GPR39: variants seen among roughly 807,000 people sequenced by gnomAD.
The protein encoded by GPR39 is zinc sensing receptor.
GPR39 carries 23 observed loss-of-function variants against 18.4 expected under a neutral mutation model. The observed-to-expected ratio is 1.25, with a 90% CI of 0.90 to 1.77. The LOEUF is 1.77. Among genes scored for constraint, GPR39 ranks in the 40% most tolerant of loss-of-function variants. The pLI is 0.00. For missense variants in GPR39, 647 were observed against 602.4 expected, an observed-to-expected ratio of 1.07 and a Z score of -0.78; for synonymous variants, 280 against 257.9, an observed-to-expected ratio of 1.09 and a Z score of -0.82.
intron 1 of GPR39, among the ~76,000 whole-genome samples, chr2:132,602,681 A>G (rs1033436674): frequency 6.6e-6 from 1 of 152,032 alleles, no homozygotes; most frequent in Non-Finnish European, 1.5e-5. Context: ...AATTCAAATA[A>G]CTCAAAAGCA....
chr2:132,640,395 G>C (rs1479197895), intron 1 of GPR39, among the ~76,000 whole-genome samples: 1 of 152,188 alleles, frequency 6.6e-6, no homozygotes, highest in Non-Finnish European at 1.5e-5. Context: ...TCATTTTAGT[G>C]TAGTGATCAA....
At chr2:132,526,302 AT>A (rs1679507520) in intron 1 of GPR39, among the ~76,000 whole-genome samples, 1 of 152,184 alleles carries the variant, frequency 6.6e-6, no homozygotes, top group Non-Finnish European at 1.5e-5. Flanking sequence ...AGTTTTAGCC[AT>A]AAGGATTGCA....
At chr2:132,643,075 C>T (rs546546048) in intron 1 of GPR39, among the ~76,000 whole-genome samples, 158 of 152,158 alleles carry the variant, frequency 1.0e-3, no homozygotes, top group African/African-American at 3.2e-3. Context: ...AGAAAAGTCC[C>T]GGATTTCTTA....
At chr2:132,517,385 ACT>A (rs1391911356) in intron 1 of GPR39, among the ~76,000 whole-genome samples, 5 of 151,880 alleles carry the variant, frequency 3.3e-5, no homozygotes, top group Non-Finnish European at 7.4e-5. Flanking sequence ...GAAATATATT[ACT>A]CTTGCCAAGG....
At chr2:132,637,385 CG>C (rs1302836512) in intron 1 of GPR39, among the ~76,000 whole-genome samples, 1 of 152,222 alleles carries the variant, frequency 6.6e-6, no homozygotes, top group Non-Finnish European at 1.5e-5. Flanking sequence ...CTGGCCTCAA[CG>C]TGGTGGATGG....
At chr2:132,585,242 C>T (rs1399935826) in intron 1 of GPR39, among the ~76,000 whole-genome samples, 1 of 152,034 alleles carries the variant, frequency 6.6e-6, no homozygotes, top group Non-Finnish European at 1.5e-5. Context: ...CTCTGTGGGC[C>T]CTTGAAGCAG....
intron 1 of GPR39, among the ~76,000 whole-genome samples, chr2:132,598,739 A>G (rs1326945253): frequency 6.6e-6 from 1 of 152,118 alleles, no homozygotes; most frequent in African/African-American, 2.4e-5. Context: ...TAGGCAGACT[A>G]AAATCCACAC....
intron 1 of GPR39, among the ~76,000 whole-genome samples, chr2:132,492,898 CATAT>C (rs1278416865): frequency 1.5e-5 from 2 of 133,664 alleles, no homozygotes; most frequent in African/African-American, 5.7e-5. Flanking sequence ...ATATATATAC[CATAT>C]ATATACACCA....
chr2:132,562,449 G>A (rs578135753), intron 1 of GPR39, among the ~76,000 whole-genome samples: 1 of 152,222 alleles, frequency 6.6e-6, no homozygotes, highest in East Asian at 1.9e-4. Flanking sequence ...TCAGGACATC[G>A]TACTCAGGCT....
At chr2:132,633,923 TAGC>T (rs1681698494) in intron 1 of GPR39, among the ~76,000 whole-genome samples, 1 of 151,402 alleles carries the variant, frequency 6.6e-6, no homozygotes, top group African/African-American at 2.4e-5. Context: ...GGTGGTGTGG[TAGC>T]AGTGTTATTA....
chr2:132,421,729 G>A (rs1326391873), intron 1 of GPR39, among the ~76,000 whole-genome samples: 1 of 152,268 alleles, frequency 6.6e-6, no homozygotes, highest in East Asian at 1.9e-4. Flanking sequence ...TTTGTGGCAT[G>A]GTTCAGGGAG....
intron 1 of GPR39, among the ~76,000 whole-genome samples, chr2:132,476,467 C>T (rs1681127909): frequency 6.6e-6 from 1 of 151,894 alleles, no homozygotes; most frequent in East Asian, 1.9e-4. Context: ...GAAACCCTGT[C>T]TCCACTAAAA....
At chr2:132,454,054 C>T (rs974745421) in intron 1 of GPR39, among the ~76,000 whole-genome samples, 3 of 152,162 alleles carry the variant, frequency 2.0e-5, no homozygotes, top group African/African-American at 7.2e-5. Flanking sequence ...GGCATTGAAT[C>T]TATAAATTAC....
chr2:132,475,636 G>A (rs967765521), intron 1 of GPR39, among the ~76,000 whole-genome samples: 9 of 152,008 alleles, frequency 5.9e-5, no homozygotes, highest in South Asian at 2.1e-4. Context: ...TGTGACATAC[G>A]AGACAGGTCG....
intron 1 of GPR39, among the ~76,000 whole-genome samples, chr2:132,595,300 C>G (rs80060263): frequency 0.016 from 2,486 of 152,204 alleles, 81 homozygotes; most frequent in African/African-American, 0.057. Flanking sequence ...CCGTGCCTGG[C>G]CTTTTTTTCA....
At chr2:132,531,332 A>G (rs9678900) in intron 1 of GPR39, among the ~76,000 whole-genome samples, 23,083 of 152,202 alleles carry the variant, frequency 0.15, 1,812 homozygotes, top group Middle Eastern at 0.24. Flanking sequence ...CACCCGATAC[A>G]GGAGCATCCA....
chr2:132,559,098 G>A (rs546055238), intron 1 of GPR39, among the ~76,000 whole-genome samples: 21 of 152,248 alleles, frequency 1.4e-4, no homozygotes, highest in East Asian at 7.7e-4. Flanking sequence ...GTTCATGCTC[G>A]GAATCAAATA....
chr2:132,436,305 C>A (rs963390088), intron 1 of GPR39, among the ~76,000 whole-genome samples: 1 of 152,308 alleles, frequency 6.6e-6, no homozygotes, highest in Admixed American at 6.5e-5. Context: ...AGAGTGTCAT[C>A]AAGCTCAGCT....
intron 1 of GPR39, among the ~76,000 whole-genome samples, chr2:132,564,810 CT>C (rs948881403): frequency 0.011 from 1,059 of 95,418 alleles, 5 homozygotes; most frequent in African/African-American, 0.037. Context: ...TTTCTTTTTT[CT>C]TTTTTTTTTT....
Sources: allele counts gnomAD v4.1 joint callset (sites outside exome capture counted in the v4.1 genomes callset), GRCh38; gene constraint gnomAD v4.1.1; transcripts MANE v1.5; gene names NCBI Gene and HGNC (gene_info 2026-07-23, HGNC 2026-07-21).